Variants in HIBADH observed in about 807,000 individuals in gnomAD.
The protein encoded by HIBADH is 3-hydroxyisobutyrate dehydrogenase, mitochondrial.
A neutral mutation model predicts 36.1 loss-of-function variants in HIBADH; 25 were observed. The ratio of observed to expected loss-of-function variants is 0.69; its 90% CI spans 0.50 to 0.97. The LOEUF (loss-of-function observed/expected upper bound fraction) is 0.97, where lower values mean the gene tolerates loss of function less well. HIBADH is among the 50% of genes least tolerant of loss of function. The pLI is 0.00. For missense variants in HIBADH, 421 were observed against 418.0 expected (o/e 1.01, Z -0.06); for synonymous variants, 160 against 149.5 (o/e 1.07, Z -0.51).
intron 4 of HIBADH, among the ~76,000 whole-genome samples, chr7:27,553,497 A>G (rs117641502): frequency 0.019 from 2,828 of 152,268 alleles, 214 homozygotes; most frequent in Admixed American, 0.13. Context: ...ATCACAATAG[A>G]CCTGCTTATG....
chr7:27,544,376 C>T (rs1351407736), intron 4 of HIBADH, among the ~76,000 whole-genome samples: 1 of 152,092 alleles, frequency 6.6e-6, no homozygotes, highest in African/African-American at 2.4e-5. Context: ...AGTGAGTGCC[C>T]ACATGTTATG....
chr7:27,650,735 TA>T (rs1210548756), intron 1 of HIBADH, among the ~76,000 whole-genome samples: 2 of 144,976 alleles, frequency 1.4e-5, no homozygotes, highest in Non-Finnish European at 3.0e-5. Flanking sequence ...AAAAAAGCCT[TA>T]AAAACTACAC....
intron 4 of HIBADH, among the ~76,000 whole-genome samples, chr7:27,624,140 C>G (rs1785597244): frequency 6.6e-6 from 1 of 151,996 alleles, no homozygotes; most frequent in Non-Finnish European, 1.5e-5. Context: ...CAACAGCAAT[C>G]TAAATATTCA....
chr7:27,556,141 T>TAA (rs5883087), intron 4 of HIBADH, among the ~76,000 whole-genome samples: 3 of 151,420 alleles, frequency 2.0e-5, no homozygotes, highest in Admixed American at 6.6e-5. Context: ...TCTCACTTGT[T>TAA]AATAATATCT....
chr7:27,634,917 T>C (rs1335847464), intron 2 of HIBADH, among the ~76,000 whole-genome samples: 1 of 152,192 alleles, frequency 6.6e-6, no homozygotes, highest in Non-Finnish European at 1.5e-5. Context: ...GATGGTTGCA[T>C]TGCCAGAATA....
Position 27,632,412 on chromosome 7 carries a change from C to T in HIBADH, c.286G>A (p.Ala96Thr). Residue 96 changes from alanine to threonine, a missense_variant, in exon 3 of 8, where the codon GCT (alanine) becomes ACT (threonine). Ala to Thr is a moderately conservative substitution (Grantham distance 58). Transcript: ENST00000265395. ...VSSPADVAEK[A>T]DRIITMLPTS... ...GGCAGCATTGTAATAATTCTGTCAG[C>T]TTTTTCAGCAACATCTGCTGGGGAA... 2 of 1,613,390 alleles carry T rather than the reference C, an allele frequency of 1.2e-6. No homozygotes were observed. The highest frequency in any genetic ancestry group is 8.5e-7 in the Non-Finnish European group (1 of 1,179,616).
chr7:27,638,780 A>C (rs1486187373), intron 2 of HIBADH, among the ~76,000 whole-genome samples: 1 of 152,244 alleles, frequency 6.6e-6, no homozygotes, highest in Non-Finnish European at 1.5e-5. Context: ...GAGTAGGCAA[A>C]GGACATGAAC....
At chr7:27,549,024 T>A (rs1277754125) in intron 4 of HIBADH, among the ~76,000 whole-genome samples, 3 of 152,184 alleles carry the variant, frequency 2.0e-5, no homozygotes, top group African/African-American at 7.2e-5. Context: ...CAGTTTAACA[T>A]GAACTGAGCA....
chr7:27,566,985 T>G (rs1010962144), intron 4 of HIBADH, among the ~76,000 whole-genome samples: 1 of 152,174 alleles, frequency 6.6e-6, no homozygotes, highest in Non-Finnish European at 1.5e-5. Flanking sequence ...TGCACTGAAG[T>G]AGCATGTGTT....
chr7:27,625,248 C>T (rs955657739), intron 4 of HIBADH, among the ~76,000 whole-genome samples: 4 of 152,118 alleles, frequency 2.6e-5, no homozygotes, highest in East Asian at 1.9e-4. Context: ...TACAAAGGTT[C>T]GTTCTGCTCA....
intron 4 of HIBADH, among the ~76,000 whole-genome samples, chr7:27,550,414 C>T (rs920802092): frequency 2.0e-5 from 3 of 152,150 alleles, no homozygotes; most frequent in African/African-American, 7.2e-5. Context: ...TTTTCCTTGT[C>T]AGTGAATCCT....
chr7:27,528,596 T>C (rs1433800077), intron 7 of HIBADH, among the ~76,000 whole-genome samples: 1 of 152,148 alleles, frequency 6.6e-6, no homozygotes, highest in Non-Finnish European at 1.5e-5. Flanking sequence ...TTCAATTCTG[T>C]GAAGGCTGAG....
intron 4 of HIBADH, among the ~76,000 whole-genome samples, chr7:27,609,305 C>G (rs1562641913): frequency 6.6e-6 from 1 of 152,112 alleles, no homozygotes; most frequent in Non-Finnish European, 1.5e-5. Flanking sequence ...GAATTACTGT[C>G]TATGACAACT....
chr7:27,603,146 C>A (rs1009726215), intron 4 of HIBADH, among the ~76,000 whole-genome samples: 9 of 152,070 alleles, frequency 5.9e-5, no homozygotes, highest in Non-Finnish European at 1.2e-4. Context: ...ACCTTGGCAG[C>A]TTTTTCTCTG....
rs1783896929 is a variant in HIBADH at position 27,526,348 on chromosome 7, CAG to C, written c.875_876del (p.Ser292CysfsTer71). ...AGGATTGGGCTCTTTGTGCTGGTAG[CAG>C]AGTCTTGTGCCAATCCCAGATCCTA... Reference protein sequence around the residue: ...MAKDLGLAQDSATSTKSPILL... With the variant: ...MAKDLGLAQDXATSTKSPILL... On this transcript the variant is annotated frameshift_variant, in exon 8 of 8. Transcript: ENST00000265395. LOFTEE classifies it high-confidence loss of function. The C allele has an allele frequency of 1.2e-6, 2 of 1,612,740 alleles. No homozygotes were observed. The highest frequency in any genetic ancestry group is 1.1e-5 in the South Asian group (1 of 90,732).
chr7:27,598,404 GACAAA>G (rs1305847315), intron 4 of HIBADH, among the ~76,000 whole-genome samples: 2 of 152,042 alleles, frequency 1.3e-5, no homozygotes, highest in African/African-American at 4.8e-5. Flanking sequence ...TTTTATTTTA[GACAAA>G]ACTAATAATC....
intron 4 of HIBADH, among the ~76,000 whole-genome samples, chr7:27,598,881 G>C (rs1049566611): frequency 6.6e-6 from 1 of 150,502 alleles, no homozygotes; most frequent in Admixed American, 6.6e-5. Flanking sequence ...AGAAGATTAG[G>C]AACCTACAAA....
intron 4 of HIBADH, among the ~76,000 whole-genome samples, chr7:27,618,422 T>A (rs781623192): frequency 3.3e-4 from 51 of 152,288 alleles, no homozygotes; most frequent in Non-Finnish European, 6.0e-4. Flanking sequence ...CCACAACCAG[T>A]ATCGCAGCCA....
At chr7:27,591,274 G>A (rs188041586) in intron 4 of HIBADH, among the ~76,000 whole-genome samples, 171 of 152,262 alleles carry the variant, frequency 1.1e-3, no homozygotes, top group Non-Finnish European at 2.0e-3. Flanking sequence ...ACCTGTGGCC[G>A]GGCGTGGTGG....
Sources: allele counts gnomAD v4.1 joint callset (sites outside exome capture counted in the v4.1 genomes callset), GRCh38; gene constraint gnomAD v4.1.1; transcripts MANE v1.5; gene names NCBI Gene and HGNC (gene_info 2026-07-23, HGNC 2026-07-21).